PTPRM: variants seen among roughly 807,000 people sequenced by gnomAD.
PTPRM encodes protein tyrosine phosphatase receptor type M, also known as receptor-type tyrosine-protein phosphatase mu.
Under a neutral mutation model 186.7 loss-of-function variants are expected in PTPRM, and 47 were observed. That is an observed-to-expected ratio of 0.25 (90% CI 0.20 to 0.32). The LOEUF is 0.32. Ranked by LOEUF, PTPRM falls within the 10% of genes least tolerant of loss-of-function variation. The probability of loss-of-function intolerance (pLI) is 1.00; values close to 1 mark genes in which losing one functional copy is unlikely to be tolerated. For missense variants in PTPRM, 1,494 were observed against 1,865.0 expected, an observed-to-expected ratio of 0.80 and a Z score of 3.66; for synonymous variants, 668 against 674.9, an observed-to-expected ratio of 0.99 and a Z score of 0.16.
At chr18:8,115,935 T>A (rs1375287737) in intron 13 of PTPRM, among the ~76,000 whole-genome samples, 1 of 152,220 alleles carries the variant, frequency 6.6e-6, no homozygotes, top group Admixed American at 6.5e-5. Context: ...ACCTCATTTG[T>A]ATCTTGTTTG....
At chr18:7,646,926 GA>G (rs962151016) in intron 1 of PTPRM, among the ~76,000 whole-genome samples, 4 of 152,096 alleles carry the variant, frequency 2.6e-5, no homozygotes, top group Admixed American at 6.5e-5. Flanking sequence ...GGAGGTGGGG[GA>G]TGGTTGGAGG....
At chr18:7,577,687 A>G (rs2036724641) in intron 1 of PTPRM, among the ~76,000 whole-genome samples, 2 of 152,068 alleles carry the variant, frequency 1.3e-5, no homozygotes, top group Non-Finnish European at 2.9e-5. Flanking sequence ...TACTTCCTCA[A>G]CTTCTGAAGT....
At chr18:8,357,086 G>T (rs769031917) in intron 23 of PTPRM, among the ~76,000 whole-genome samples, 1 of 152,190 alleles carries the variant, frequency 6.6e-6, no homozygotes, top group Non-Finnish European at 1.5e-5. Flanking sequence ...AGCAGAAAAC[G>T]ATTGAGTGTG....
intron 1 of PTPRM, among the ~76,000 whole-genome samples, chr18:7,736,662 CAG>C (rs1175542640): frequency 4.6e-5 from 7 of 152,194 alleles, no homozygotes; most frequent in Non-Finnish European, 7.4e-5. Context: ...GGGTACGTGA[CAG>C]GGGCTGCATG....
At chr18:7,626,869 AT>A (rs1401185537) in intron 1 of PTPRM, among the ~76,000 whole-genome samples, 4 of 152,126 alleles carry the variant, frequency 2.6e-5, no homozygotes, top group African/African-American at 9.7e-5. Context: ...CATTTTAAAA[AT>A]TTAAAATTTT....
At chr18:8,070,062 T>C (rs1454153547) in intron 8 of PTPRM, 68 bp downstream of exon 8, 1 of 1,407,386 alleles carries the variant, frequency 7.1e-7, no homozygotes, top group East Asian at 2.3e-5. Context: ...TGTTTCGAGA[T>C]CTTTGCTGTG....
At chr18:7,942,777 C>T (rs1441241109) in intron 5 of PTPRM, among the ~76,000 whole-genome samples, 2 of 152,104 alleles carry the variant, frequency 1.3e-5, no homozygotes, top group Non-Finnish European at 2.9e-5. Context: ...TCAACACTAA[C>T]AAAGTGGAGG....
At chr18:8,258,794 C>CA (rs1248452667) in intron 19 of PTPRM, among the ~76,000 whole-genome samples, 4 of 150,208 alleles carry the variant, frequency 2.7e-5, no homozygotes, top group Non-Finnish European at 5.9e-5. Flanking sequence ...CTCTGGGGCA[C>CA]AAAAAAATGA....
chr18:8,131,869 G>T (rs1453710659), intron 13 of PTPRM, among the ~76,000 whole-genome samples: 2 of 152,112 alleles, frequency 1.3e-5, no homozygotes, highest in African/African-American at 2.4e-5. Context: ...AATAAACTTG[G>T]CACCTGCCTA....
At chr18:8,227,574 T>A (rs1002054032) in intron 14 of PTPRM, among the ~76,000 whole-genome samples, 1 of 152,228 alleles carries the variant, frequency 6.6e-6, no homozygotes, top group Non-Finnish European at 1.5e-5. Flanking sequence ...CATTGTCCTA[T>A]GTGCAGACAT....
chr18:7,755,179 C>G (rs2041416272), intron 1 of PTPRM: 1 of 151,690 alleles, frequency 6.6e-6, no homozygotes, highest in Non-Finnish European at 1.5e-5. Flanking sequence ...GACACGTAGC[C>G]CTACAGGAAG....
At chr18:7,902,830 C>T (rs2049767991) in intron 3 of PTPRM, among the ~76,000 whole-genome samples, 1 of 116,872 alleles carries the variant, frequency 8.6e-6, no homozygotes, top group African/African-American at 3.3e-5. Flanking sequence ...CAGATCTTCT[C>T]TGCCTTTTTT....
chr18:8,026,869 A>T (rs1235570814), intron 7 of PTPRM, among the ~76,000 whole-genome samples: 1 of 152,174 alleles, frequency 6.6e-6, no homozygotes, highest in Non-Finnish European at 1.5e-5. Context: ...AAAAAAAAAA[A>T]TGCTTAAAAT....
chr18:8,222,789 G>A (rs2094168565), intron 14 of PTPRM, among the ~76,000 whole-genome samples: 1 of 152,176 alleles, frequency 6.6e-6, no homozygotes, highest in Non-Finnish European at 1.5e-5. Flanking sequence ...GCCTTATTTG[G>A]TTTTCTAAGC....
chr18:8,189,857 A>G (rs1302992730), intron 14 of PTPRM, among the ~76,000 whole-genome samples: 1 of 152,242 alleles, frequency 6.6e-6, no homozygotes, highest in Non-Finnish European at 1.5e-5. Flanking sequence ...ATTTGTTTGC[A>G]TTTAAAATTC....
intron 18 of PTPRM, 85 bp downstream of exon 18, chr18:8,252,584 G>A (rs2094538178): frequency 4.6e-6 from 6 of 1,310,386 alleles, no homozygotes; most frequent in Admixed American, 1.7e-5. Context: ...AAAGCCAGCT[G>A]GTGCTGCTCT....
At chr18:7,877,535 A>G (rs1266208610) in intron 2 of PTPRM, among the ~76,000 whole-genome samples, 1 of 152,204 alleles carries the variant, frequency 6.6e-6, no homozygotes, top group East Asian at 1.9e-4. Context: ...TTTGACATAT[A>G]TCTATTCTAT....
At chr18:7,633,174 GT>G (rs1243489868) in intron 1 of PTPRM, among the ~76,000 whole-genome samples, 1 of 152,182 alleles carries the variant, frequency 6.6e-6, no homozygotes, top group African/African-American at 2.4e-5. Flanking sequence ...TTGGAGGTGT[GT>G]AAGTCGGCTT....
At chr18:7,987,969 G>A (rs2083052311) in intron 7 of PTPRM, among the ~76,000 whole-genome samples, 1 of 145,970 alleles carries the variant, frequency 6.9e-6, no homozygotes, top group Non-Finnish European at 1.5e-5. Flanking sequence ...TTGAGTCCAG[G>A]AGTTCAGGAC....
Sources: allele counts gnomAD v4.1 joint callset (sites outside exome capture counted in the v4.1 genomes callset), GRCh38; gene constraint gnomAD v4.1.1; transcripts MANE v1.5; gene names NCBI Gene and HGNC (gene_info 2026-07-23, HGNC 2026-07-21).